CDH23: variants seen among roughly 807,000 people sequenced by gnomAD.
The protein encoded by CDH23 is cadherin related 23.
CDH23 carries 189 observed loss-of-function variants against 317.1 expected under a neutral mutation model. The ratio of observed to expected loss-of-function variants is 0.60; its 90% CI spans 0.53 to 0.67. The LOEUF is 0.67. Ranked by LOEUF, CDH23 falls within the 30% of genes least tolerant of loss-of-function variation. CDH23 has a pLI of 0.00. For synonymous variants in CDH23, 1,839 were observed against 1,876.8 expected (o/e 0.98, Z 0.52); for missense variants, 4,401 against 4,592.4 (o/e 0.96, Z 1.20).
intron 8 of CDH23, among the ~76,000 whole-genome samples, chr10:71,576,065 C>G (rs1858171231): frequency 6.6e-6 from 1 of 152,236 alleles, no homozygotes; most frequent in African/African-American, 2.4e-5. Flanking sequence ...CCACAGAGCC[C>G]TGCCCGCCCA....
intron 38 of CDH23, chr10:71,773,394 A>G: frequency 6.2e-7 from 1 of 1,610,170 alleles, no homozygotes; most frequent in African/African-American, 1.3e-5. Flanking sequence ...AAGAGCAGGG[A>G]TCCCCAGCGC....
intron 18 of CDH23, among the ~76,000 whole-genome samples, chr10:71,686,160 C>T (rs750793697): frequency 1.3e-5 from 2 of 152,084 alleles, no homozygotes; most frequent in Non-Finnish European, 2.9e-5. Context: ...GAACTAATAG[C>T]GAATGCAGCG....
chr10:71,696,089 G>C (rs544038049), intron 22 of CDH23, among the ~76,000 whole-genome samples: 142 of 152,326 alleles, frequency 9.3e-4, no homozygotes, highest in Non-Finnish European at 1.6e-3. Flanking sequence ...GCACAATTCA[G>C]GGTGCAGAGG....
In CDH23 at chr10:71,647,182, G is replaced by C. The variant is rs983326699; in HGVS notation, c.1449+565G>C. 1.5e-4 allele frequency: 120 copies of C among 802,092 alleles called. 1 individual carries two copies. In the African/African-American group the frequency reaches 2.0e-3, roughly 14 times the overall value. The allele number at this position is 802,092 out of a possible 1,614,324, so 49.7% of individuals were successfully genotyped here. ...AACTCAAAAGTATAAGTGATTTCAGGCCGGGCTCGGTGGCTCACGCCTGTC... is the reference window on the plus strand; with the variant it reads ...AACTCAAAAGTATAAGTGATTTCAGCCCGGGCTCGGTGGCTCACGCCTGTC... On this transcript the variant is annotated intron_variant, in intron 14 of 69. Transcript: ENST00000224721.
chr10:71,657,470 G>A (rs1863465656), intron 14 of CDH23, among the ~76,000 whole-genome samples: 1 of 152,170 alleles, frequency 6.6e-6, no homozygotes, highest in Non-Finnish European at 1.5e-5. Flanking sequence ...GCATCCATTC[G>A]ACTTGATTCT....
intron 9 of CDH23, among the ~76,000 whole-genome samples, chr10:71,600,066 G>C (rs569871366): frequency 1.4e-5 from 2 of 142,388 alleles, no homozygotes; most frequent in Non-Finnish European, 3.0e-5. Context: ...GCAATGATGC[G>C]ATCTCGGCTT....
intron 3 of CDH23, among the ~76,000 whole-genome samples, chr10:71,450,257 A>G (rs1245669329): frequency 5.5e-5 from 7 of 128,050 alleles, no homozygotes; most frequent in Non-Finnish European, 3.1e-5. Flanking sequence ...AACCTCCTGA[A>G]TCTACTTTTT....
chr10:71,613,317 G>A lies in CDH23; in HGVS notation c.833-2187G>A, dbSNP rs116506855. ...CCCCCCAACTCCCCACTATGCAAAC[G>A]CAGCCATACAAAACCCAGCAGGAAG... On this transcript the variant is annotated intron_variant, in intron 9 of 69. Coordinates refer to ENST00000224721, the MANE Select transcript of CDH23 (RefSeq NM_022124.6). Among the ~76,000 whole-genome samples the A allele has an allele frequency of 6.5e-3, 994 of 152,240 alleles. 7 individuals carry two copies. Among genetic ancestry groups the A allele is most frequent in the African/African-American group, 0.023 (939 of 41,544 alleles).
At chr10:71,698,332 G>T (rs1057070720) in intron 22 of CDH23, among the ~76,000 whole-genome samples, 1 of 152,152 alleles carries the variant, frequency 6.6e-6, no homozygotes, top group African/African-American at 2.4e-5. Context: ...ACCTTGGAGA[G>T]GACCCCCTGG....
intron 18 of CDH23, among the ~76,000 whole-genome samples, chr10:71,683,231 T>A (rs985643657): frequency 2.6e-5 from 4 of 152,230 alleles, no homozygotes; most frequent in African/African-American, 9.6e-5. Context: ...CACACACACC[T>A]GTGCATGCAC....
chr10:71,638,692 G>A (rs946521949), intron 11 of CDH23, among the ~76,000 whole-genome samples: 6 of 152,212 alleles, frequency 3.9e-5, no homozygotes, highest in Admixed American at 2.0e-4. Flanking sequence ...TATTTAACGA[G>A]CTGATGTCTG....
Position 71,578,852 on chromosome 10 carries a change from C to T in CDH23, c.832+860C>T, listed in dbSNP as rs146625425. ...CACCAGGCCAGATTCTACCCACTGC[C>T]TCTCCCTACCATACCCCCACATCCC... On this transcript the variant is annotated intron_variant, in intron 9 of 69. Coordinates refer to ENST00000224721, the MANE Select transcript of CDH23 (RefSeq NM_022124.6). Among the ~76,000 whole-genome samples, 305 of 152,320 alleles carry T rather than the reference C, an allele frequency of 2.0e-3. 1 individual carries two copies. The highest frequency in any genetic ancestry group is 7.1e-3 in the African/African-American group (296 of 41,566).
At chr10:71,783,530 G>A (rs1841013677) in intron 41 of CDH23, among the ~76,000 whole-genome samples, 1 of 152,200 alleles carries the variant, frequency 6.6e-6, no homozygotes, top group South Asian at 2.1e-4. Flanking sequence ...GACGGTCTCT[G>A]GGCTGCCTTC....
intron 57 of CDH23, among the ~76,000 whole-genome samples, 162 bp from the exon 58 acceptor site, chr10:71,807,115 T>C (rs937712842): frequency 6.6e-6 from 1 of 152,220 alleles, no homozygotes; most frequent in South Asian, 2.1e-4. Context: ...CCGCGGGCCA[T>C]GCTTTGCTCC....
chr10:71,489,336 T>C (rs1299448946), intron 3 of CDH23, among the ~76,000 whole-genome samples: 1 of 152,226 alleles, frequency 6.6e-6, no homozygotes, highest in Non-Finnish European at 1.5e-5. Context: ...ACTAATTCTC[T>C]TTCCAGCTAT....
chr10:71,580,581 C>T (rs1033672045), intron 9 of CDH23, among the ~76,000 whole-genome samples: 1 of 152,202 alleles, frequency 6.6e-6, no homozygotes, highest in Non-Finnish European at 1.5e-5. Context: ...CTCATGAGTG[C>T]AGTATTCAAT....
At chr10:71,682,295 C>T (rs972440942) in intron 17 of CDH23, 150 bp from the exon 18 acceptor site, 33 of 982,084 alleles carry the variant, frequency 3.4e-5, no homozygotes, top group Admixed American at 1.8e-4. Flanking sequence ...AAACCTCAGT[C>T]GAGATGTTGA....
At chr10:71,741,393 G>A (rs891663412) in intron 37 of CDH23, among the ~76,000 whole-genome samples, 5 of 152,204 alleles carry the variant, frequency 3.3e-5, no homozygotes, top group Admixed American at 6.5e-5. Context: ...TGGCTGTGTG[G>A]ACTTGCACAC....
At chr10:71,763,555 G>A (rs1429154081) in intron 38 of CDH23, among the ~76,000 whole-genome samples, 1 of 152,218 alleles carries the variant, frequency 6.6e-6, no homozygotes, top group East Asian at 1.9e-4. Flanking sequence ...CAGCCAGGAG[G>A]GAGGCAGCCT....
Sources: allele counts gnomAD v4.1 joint callset (sites outside exome capture counted in the v4.1 genomes callset), GRCh38; gene constraint gnomAD v4.1.1; transcripts MANE v1.5; gene names NCBI Gene and HGNC (gene_info 2026-07-23, HGNC 2026-07-21).